The following ASTN2 variants were observed in gnomAD, a reference collection of about 807,000 sequenced individuals.
ASTN2 encodes the protein astrotactin-2.
ASTN2 carries 54 observed loss-of-function variants against 139.8 expected under a neutral mutation model. That is an observed-to-expected ratio of 0.39 (90% CI 0.31 to 0.48). The LOEUF is 0.48. Ranked by LOEUF, ASTN2 falls within the 20% of genes least tolerant of loss-of-function variation. ASTN2 has a pLI of 0.95. For synonymous variants in ASTN2, 756 were observed against 719.5 expected, an observed-to-expected ratio of 1.05 and a Z score of -0.81; for missense variants, 1,565 against 1,725.1, an observed-to-expected ratio of 0.91 and a Z score of 1.64.
chr9:117,349,539 A>T (rs916474327), intron 1 of ASTN2, among the ~76,000 whole-genome samples: 1 of 152,182 alleles, frequency 6.6e-6, no homozygotes, highest in Admixed American at 6.5e-5. Context: ...TTCAGAAAAA[A>T]TACTGAAAAA....
At chr9:117,060,551 A>G (rs1839256863) in intron 5 of ASTN2, among the ~76,000 whole-genome samples, 1 of 134,798 alleles carries the variant, frequency 7.4e-6, no homozygotes. Context: ...AGAAAGAAAG[A>G]AAAAGAAAGA....
At chr9:116,430,931 G>A (rs376737928) in intron 22 of ASTN2, among the ~76,000 whole-genome samples, 1 of 152,216 alleles carries the variant, frequency 6.6e-6, no homozygotes, top group East Asian at 1.9e-4. Flanking sequence ...GCTTTCCCTG[G>A]AGGGGAAATC....
intron 3 of ASTN2, among the ~76,000 whole-genome samples, chr9:117,181,642 C>G (rs1831070040): frequency 6.6e-6 from 1 of 152,172 alleles, no homozygotes; most frequent in Non-Finnish European, 1.5e-5. Context: ...TCTACCACTT[C>G]CTGGTGCTTA....
At chr9:116,946,056 T>C (rs3849142) in intron 10 of ASTN2, among the ~76,000 whole-genome samples, 32,431 of 152,106 alleles carry the variant, frequency 0.21, 3,612 homozygotes, top group Admixed American at 0.29. Flanking sequence ...CACTTACAAA[T>C]AATCAGATCT....
chr9:117,292,441 G>A (rs1439876293), intron 1 of ASTN2, among the ~76,000 whole-genome samples: 4 of 152,170 alleles, frequency 2.6e-5, no homozygotes, highest in Admixed American at 1.3e-4. Flanking sequence ...AGGTGTATGT[G>A]CCTGCAAATG....
At chr9:117,407,225 T>C (rs1831020363) in intron 1 of ASTN2, among the ~76,000 whole-genome samples, 2 of 152,074 alleles carry the variant, frequency 1.3e-5, no homozygotes, top group Admixed American at 6.5e-5. Flanking sequence ...TCTGGCAGAG[T>C]GTGATCAGGG....
At chr9:117,056,461 C>T (rs1839067268) in intron 5 of ASTN2, among the ~76,000 whole-genome samples, 3 of 152,168 alleles carry the variant, frequency 2.0e-5, no homozygotes, top group South Asian at 4.1e-4. Flanking sequence ...GAGCCAGGCA[C>T]AGCTCTGCCT....
At chr9:117,298,122 T>C (rs901673532) in intron 1 of ASTN2, among the ~76,000 whole-genome samples, 1 of 152,238 alleles carries the variant, frequency 6.6e-6, no homozygotes, top group Admixed American at 6.5e-5. Context: ...AACCCTCCAA[T>C]GTTTTCTACT....
chr9:116,693,021 T>C (rs1009258337), intron 16 of ASTN2, among the ~76,000 whole-genome samples: 14 of 152,186 alleles, frequency 9.2e-5, no homozygotes, highest in Non-Finnish European at 2.1e-4. Flanking sequence ...CCAGCCCTTT[T>C]ATTAATCTTT....
In ASTN2 at chr9:117,343,037, T is replaced by A. The variant is rs78257988; in HGVS notation, c.443-51524A>T. On this transcript the variant is annotated intron_variant, in intron 1 of 22. Transcript: ENST00000313400. Reference sequence around the variant, plus strand: ...GGGGAATAGTTCCCCCCTCACTGCATCTCACACTCACTTCAGAAAAACTAA... The same window carrying A: ...GGGGAATAGTTCCCCCCTCACTGCAACTCACACTCACTTCAGAAAAACTAA... Among the ~76,000 whole-genome samples the A allele has an allele frequency of 5.0e-3, 755 of 152,292 alleles. 5 individuals are homozygous for A. The highest frequency in any genetic ancestry group is 0.017 in the African/African-American group (716 of 41,568).
At position 117,369,749 on chromosome 9, in the gene ASTN2, T is replaced by A. The variant is rs1001964967; in HGVS notation, c.442+44748A>T. ...ATAAATGAACACATGAGTAAGTGAGTGAAGTCTTATAGGTTCTTCTACTGA... is the reference window on the plus strand; with the variant it reads ...ATAAATGAACACATGAGTAAGTGAGAGAAGTCTTATAGGTTCTTCTACTGA... On this transcript the variant is annotated intron_variant, in intron 1 of 22. Transcript: ENST00000313400. Among the ~76,000 whole-genome samples, 4 of 152,074 alleles carry A rather than the reference T, an allele frequency of 2.6e-5. No individual in the cohort carries two copies. The East Asian group carries it at 7.7e-4, about 29-fold the overall frequency.
intron 10 of ASTN2, among the ~76,000 whole-genome samples, chr9:116,946,946 A>C (rs1190764840): frequency 6.6e-6 from 1 of 151,500 alleles, no homozygotes; most frequent in African/African-American, 2.4e-5. Context: ...CAAAAAAAAA[A>C]AAAAACAACC....
At chr9:116,948,519 G>A (rs1015442758) in intron 10 of ASTN2, among the ~76,000 whole-genome samples, 5 of 151,990 alleles carry the variant, frequency 3.3e-5, no homozygotes, top group South Asian at 4.2e-4. Context: ...TTTCCTTGTT[G>A]TAGCTTTGGA....
chr9:117,052,254 C>T (rs916575484), intron 5 of ASTN2, among the ~76,000 whole-genome samples: 8 of 151,774 alleles, frequency 5.3e-5, no homozygotes, highest in Non-Finnish European at 1.2e-4. Flanking sequence ...TCCTGGCTAA[C>T]GTGGTGAAAC....
rs190139599 is a variant in ASTN2, at chr9:116,430,628, G to A, written c.3783-4540C>T. Among the ~76,000 whole-genome samples, 230 of 152,364 alleles carry A rather than the reference G, an allele frequency of 1.5e-3. 3 individuals carry two copies. The highest frequency in any genetic ancestry group is 4.0e-4 in the Non-Finnish European group (27 of 68,044). On this transcript the variant is annotated intron_variant, in intron 22 of 22. Transcript: ENST00000313400. ...CCTCCCTAAGCCTCAGTTTTCTCCT[G>A]TGTAAATGAAAATAGAAATATTTAT...
rs138488910 is a variant in ASTN2, at chr9:117,147,717, T to C, written c.1016-6239A>G. 4.4e-3 allele frequency among the ~76,000 whole-genome samples: 663 copies of C among 152,262 alleles called. 4 individuals carry two copies. The highest frequency in any genetic ancestry group is 0.015 in the African/African-American group (619 of 41,556). On this transcript the variant is annotated intron_variant, in intron 3 of 22. Coordinates refer to ENST00000313400, the MANE Select transcript of ASTN2 (RefSeq NM_001365068.1). The stretch of plus-strand genomic sequence containing the variant: ...AACCTGGAAAGTTAAGTATTAATAA[T>C]TTCTGTTCAGAGATGAGGATAGCAA...
At chr9:117,404,571 T>C (rs1360297032) in intron 1 of ASTN2, among the ~76,000 whole-genome samples, 1 of 152,180 alleles carries the variant, frequency 6.6e-6, no homozygotes, top group African/African-American at 2.4e-5. Flanking sequence ...TATGTATGTA[T>C]AATATAGATC....
Position 117,414,575 on chromosome 9 carries a change from A to G in ASTN2, c.364T>C (p.Phe122Leu), listed in dbSNP as rs765060254. 6 of 1,593,220 alleles carry G rather than the reference A, an allele frequency of 3.8e-6. No individual in the cohort carries two copies. ...CGCCCCGGCAGCTCGTTACGCACAA[A>G]GAGCAGGAGGCGCGACTCGGCGGCG... ...GTAAESRLLL[F>L]VRNELPGRIA... is the part of the protein sequence containing the mutation. The change falls in exon 1 of 23, where the codon TTT becomes CTT. Residue 122 changes from phenylalanine (F) to leucine (L), a missense_variant. Physicochemically the swap from Phe to Leu is conservative, Grantham distance 22. Around this residue, in one of 4 missense-constraint regions of ASTN2, gnomAD observed 596 missense variants for 576.8 expected, o/e 1.03. Coordinates refer to ENST00000313400, the MANE Select transcript of ASTN2 (RefSeq NM_001365068.1). The surrounding 1 kb of genome is among the most constrained non-coding windows in gnomAD (Gnocchi z 4.2).
chr9:117,105,955 C>A (rs954587127), intron 4 of ASTN2, among the ~76,000 whole-genome samples: 1 of 152,148 alleles, frequency 6.6e-6, no homozygotes, highest in African/African-American at 2.4e-5. Flanking sequence ...ACTACAGATG[C>A]CTTGGTCAAG....
Sources: gnomAD v4.1 joint callset for allele counts (sites outside exome capture counted in the v4.1 genomes callset) on GRCh38, gnomAD v4.1.1 for gene constraint, gnomAD v4.1.1 regional missense constraint, Gnocchi (gnomAD v3.1) non-coding constraint, MANE v1.5 for transcripts, NCBI Gene and HGNC (gene_info 2026-07-23, HGNC 2026-07-21) for gene names.